The following ADGRV1 variants were observed in gnomAD, a reference collection of about 807,000 sequenced individuals.
ADGRV1 encodes G-protein coupled receptor 98.
ADGRV1 carries 359 observed loss-of-function variants against 596.2 expected under a neutral mutation model. The observed-to-expected ratio is 0.60, with a 90% confidence interval of 0.55 to 0.66. The LOEUF (loss-of-function observed/expected upper bound fraction) is 0.66, where lower values mean the gene tolerates loss of function less well. Ranked by LOEUF, ADGRV1 falls within the 30% of genes least tolerant of loss-of-function variation. The pLI is 0.00. For missense variants in ADGRV1, 7,274 were observed against 7,575.6 expected (o/e 0.96, Z 1.48); for synonymous variants, 2,681 against 2,679.2 (o/e 1.00, Z -0.02).
Position 90,703,703 on chromosome 5 carries a change from G to C in ADGRV1, c.8194G>C (p.Gly2732Arg). The change falls in exon 35 of 90, where the codon GGT becomes CGT. Residue 2732 changes from glycine to arginine, a missense_variant. Coordinates refer to ENST00000405460, the MANE Select transcript of ADGRV1 (RefSeq NM_032119.4). ...ATTCCATGTGATAAGAACTTTCCCT[G>C]GTCGAGGAAATGTTACTGTTAACTG... ...LQFHVIRTFPGRGNVTVNWKI... is the reference protein window; with the variant it reads ...LQFHVIRTFPRRGNVTVNWKI... 1 of 1,605,382 alleles carries C rather than the reference G, an allele frequency of 6.2e-7. No individual in the cohort carries two copies.
chr5:90,794,211 G>A (rs1760404886), intron 70 of ADGRV1, among the ~76,000 whole-genome samples: 2 of 152,152 alleles, frequency 1.3e-5, no homozygotes, highest in South Asian at 4.1e-4. Flanking sequence ...CTTCTAACCT[G>A]CAAGTGGGTC....
Position 90,948,718 on chromosome 5 carries a change from C to A in ADGRV1, c.17857-16697C>A, listed in dbSNP as rs145268546. 4.1e-4 allele frequency among the ~76,000 whole-genome samples: 63 copies of A among 152,194 alleles called. No homozygotes were observed. In the South Asian group the frequency reaches 7.5e-3, roughly 18 times the overall value. On this transcript the variant is annotated intron_variant, in intron 83 of 89. Transcript: ENST00000405460. ...AAACAAGCTCTGACACTTACATTAG[C>A]CTACAGTTGCACAAAATCATCTAAC...
intron 83 of ADGRV1, among the ~76,000 whole-genome samples, chr5:90,908,104 G>A (rs976224584): frequency 1.3e-5 from 2 of 152,084 alleles, no homozygotes; most frequent in Admixed American, 6.6e-5. Context: ...GCCCACCTCC[G>A]CCTCCCAAAG....
intron 85 of ADGRV1, among the ~76,000 whole-genome samples, chr5:91,051,088 A>G (rs2151306751): frequency 6.6e-6 from 1 of 152,360 alleles, no homozygotes; most frequent in African/African-American, 2.4e-5. Context: ...AAGATTGCAT[A>G]TAAACTTAGC....
intron 85 of ADGRV1, among the ~76,000 whole-genome samples, chr5:91,020,118 T>C (rs1783512465): frequency 1.3e-5 from 2 of 152,032 alleles, no homozygotes; most frequent in African/African-American, 4.8e-5. Context: ...TCCCCATGGA[T>C]GGCAAGTGAT....
At chr5:90,859,473 C>T (rs188680737) in intron 82 of ADGRV1, among the ~76,000 whole-genome samples, 32 of 152,178 alleles carry the variant, frequency 2.1e-4, no homozygotes, top group Middle Eastern at 6.9e-3. Flanking sequence ...CTCTCTGTCG[C>T]CCAGGCTGGA....
At chr5:90,821,687 A>AGT (rs1763526501) in intron 75 of ADGRV1, among the ~76,000 whole-genome samples, 1 of 151,720 alleles carries the variant, frequency 6.6e-6, no homozygotes, top group Non-Finnish European at 1.5e-5. Flanking sequence ...GTGAGGTGTC[A>AGT]GTGTGCCCCT....
chr5:91,069,979 C>T (rs1006090667), intron 85 of ADGRV1, among the ~76,000 whole-genome samples: 3 of 149,948 alleles, frequency 2.0e-5, no homozygotes, highest in Non-Finnish European at 4.4e-5. Flanking sequence ...TGGATGGAGG[C>T]CATTATTCTA....
In ADGRV1 at chr5:90,681,358, C is replaced by T. The variant is rs727504772; in HGVS notation, c.5568C>T (p.Ala1856=). Residue 1856 remains alanine (A), a synonymous_variant, in exon 27 of 90, where the codon GCC becomes GCT. Coordinates refer to ENST00000405460, the MANE Select transcript of ADGRV1 (RefSeq NM_032119.4). The stretch of plus-strand genomic sequence containing the variant: ...CCCAAATTCTAGTGACAATTGCAGC[C>T]TCTGACCACGCTCATGGCGTATTTG... ...VASQILVTIA[A]SDHAHGVFEF... 1 of 1,613,866 alleles carries T rather than the reference C, an allele frequency of 6.2e-7. No individual in the cohort carries two copies. Among genetic ancestry groups the T allele is most frequent in the Non-Finnish European group, 8.5e-7 (1 of 1,179,826 alleles).
intron 77 of ADGRV1, among the ~76,000 whole-genome samples, chr5:90,832,873 C>T (rs1253536063): frequency 2.0e-5 from 3 of 152,108 alleles, no homozygotes; most frequent in South Asian, 2.1e-4. Flanking sequence ...TTCCAATGTA[C>T]GTTCTTGTCA....
chr5:90,848,894 CA>C lies in ADGRV1; in HGVS notation c.17204+77del, dbSNP rs1766189706. ...ACTGTTTACAAAGCAATATGTAATG[CA>C]AAATGACATTTAGATGATGTAACTA... On this transcript the variant is annotated intron_variant, in intron 79 of 89. Transcript: ENST00000405460. The C allele has an allele frequency of 4.8e-6, 5 of 1,046,096 alleles. No homozygotes were observed. The South Asian group carries it at 6.6e-5, about 14-fold the overall frequency. The allele number at this position is 1,046,096 out of a possible 1,614,324, so 64.8% of individuals were successfully genotyped here. A position where few individuals can be genotyped will look rare whatever the true frequency, so the allele number is the denominator to read the frequency against.
At chr5:91,141,118 A>T (rs1162583588) in intron 87 of ADGRV1, among the ~76,000 whole-genome samples, 1 of 152,240 alleles carries the variant, frequency 6.6e-6, no homozygotes, top group African/African-American at 2.4e-5. Flanking sequence ...CTTGATGTAT[A>T]CTGGATATTT....
chr5:90,978,347 A>G (rs1779801088), intron 84 of ADGRV1, among the ~76,000 whole-genome samples: 1 of 151,444 alleles, frequency 6.6e-6, no homozygotes, highest in African/African-American at 2.4e-5. Context: ...TTCCCCTCTT[A>G]AACTATTACC....
chr5:90,931,896 A>C (rs1002431621), intron 83 of ADGRV1, among the ~76,000 whole-genome samples: 59 of 152,308 alleles, frequency 3.9e-4, no homozygotes, highest in African/African-American at 1.4e-3. Context: ...CTGAAAACTT[A>C]ATTGAATATT....
chr5:90,692,228 A>G (rs1746568081), intron 31 of ADGRV1, among the ~76,000 whole-genome samples: 2 of 152,178 alleles, frequency 1.3e-5, no homozygotes, highest in South Asian at 4.1e-4. Context: ...AAAGCATAGT[A>G]TATTAACGCT....
At chr5:90,990,111 C>T (rs1178707688) in intron 85 of ADGRV1, among the ~76,000 whole-genome samples, 2 of 152,208 alleles carry the variant, frequency 1.3e-5, no homozygotes, top group African/African-American at 4.8e-5. Context: ...AGCCACTGCG[C>T]CCAGCCATGA....
chr5:90,970,504 C>T (rs1005915349), intron 84 of ADGRV1, among the ~76,000 whole-genome samples: 4 of 150,954 alleles, frequency 2.6e-5, no homozygotes, highest in Non-Finnish European at 5.9e-5. Context: ...CTCACATGGC[C>T]GGGTACCCCT....
chr5:90,591,773 TGAATTAATAA>T (rs1179635730), intron 1 of ADGRV1, among the ~76,000 whole-genome samples: 2 of 152,216 alleles, frequency 1.3e-5, no homozygotes, highest in Admixed American at 6.5e-5. Context: ...GTAAATTGGG[TGAATTAATAA>T]GAATTAATAA....
chr5:90,597,218 G>A (rs1760801991), intron 1 of ADGRV1, among the ~76,000 whole-genome samples: 2 of 152,156 alleles, frequency 1.3e-5, no homozygotes, highest in African/African-American at 4.8e-5. Flanking sequence ...AAACTTCGAG[G>A]TAGCTCAGTG....
Sources: allele counts gnomAD v4.1 joint callset (sites outside exome capture counted in the v4.1 genomes callset), GRCh38; gene constraint gnomAD v4.1.1; transcripts MANE v1.5; gene names NCBI Gene and HGNC (gene_info 2026-07-23, HGNC 2026-07-21).